Variants in FER observed in about 807,000 individuals in gnomAD.
FER encodes FER tyrosine kinase, also known as tyrosine-protein kinase Fer.
A neutral mutation model predicts 111.0 loss-of-function variants in FER; 63 were observed. That is an observed-to-expected ratio of 0.57 (90% confidence interval 0.46 to 0.70). The LOEUF (loss-of-function observed/expected upper bound fraction) is 0.70, where lower values mean the gene tolerates loss of function less well. FER is among the 30% of genes least tolerant of loss of function. The pLI, the probability that FER is intolerant of heterozygous loss-of-function variation, is 0.00. For synonymous variants in FER, 327 were observed against 313.9 expected (o/e 1.04, Z -0.44); for missense variants, 914 against 954.0 (o/e 0.96, Z 0.55).
At chr5:108,795,206 T>G (rs1333452902) in intron 2 of FER, among the ~76,000 whole-genome samples, 1 of 152,142 alleles carries the variant, frequency 6.6e-6, no homozygotes, top group Non-Finnish European at 1.5e-5. Flanking sequence ...ATACTTGTAG[T>G]CCCAGCTACT....
chr5:108,780,226 A>G (rs1005716618), intron 2 of FER, among the ~76,000 whole-genome samples: 3 of 152,030 alleles, frequency 2.0e-5, no homozygotes, highest in African/African-American at 7.3e-5. Flanking sequence ...TCTGACCTCT[A>G]TCATTTTTCT....
At chr5:109,028,664 C>T (rs1769129119) in intron 13 of FER, among the ~76,000 whole-genome samples, 1 of 152,156 alleles carries the variant, frequency 6.6e-6, no homozygotes, top group African/African-American at 2.4e-5. Context: ...TAGAAAGGCT[C>T]ACATAAGTTA....
intron 13 of FER, among the ~76,000 whole-genome samples, chr5:109,023,646 T>G (rs1230121944): frequency 2.0e-5 from 3 of 150,070 alleles, no homozygotes; most frequent in Non-Finnish European, 4.5e-5. Context: ...GTTTGTGTTT[T>G]GGGGTTTTTT....
chr5:108,980,354 A>G (rs771297424), intron 13 of FER, among the ~76,000 whole-genome samples: 3 of 152,274 alleles, frequency 2.0e-5, no homozygotes, highest in South Asian at 4.1e-4. Context: ...GAGGAAGGCC[A>G]TAGAGAAGAG....
intron 1 of FER, among the ~76,000 whole-genome samples, chr5:108,767,607 C>G (rs1459735822): frequency 1.3e-5 from 2 of 152,102 alleles, no homozygotes; most frequent in African/African-American, 4.8e-5. Context: ...ACCTCATCTT[C>G]CCAAATAGCT....
intron 8 of FER, among the ~76,000 whole-genome samples, chr5:108,872,887 G>A (rs1764732032): frequency 6.6e-6 from 1 of 152,136 alleles, no homozygotes; most frequent in Admixed American, 6.5e-5. Flanking sequence ...AACATTGCAT[G>A]TATTTTTTCT....
At chr5:109,153,290 A>G (rs1389249777) in intron 17 of FER, among the ~76,000 whole-genome samples, 2 of 151,898 alleles carry the variant, frequency 1.3e-5, no homozygotes, top group East Asian at 3.8e-4. Flanking sequence ...CACATTATCC[A>G]TCAATATAGT....
chr5:108,827,368 A>C (rs1037453851), intron 3 of FER, among the ~76,000 whole-genome samples: 6 of 152,150 alleles, frequency 3.9e-5, no homozygotes, highest in African/African-American at 1.4e-4. Flanking sequence ...TGAGCAATCA[A>C]ATGATCCGTA....
chr5:108,950,541 A>G (rs1757582096), intron 11 of FER, among the ~76,000 whole-genome samples: 1 of 152,178 alleles, frequency 6.6e-6, no homozygotes, highest in African/African-American at 2.4e-5. Context: ...CAAAGACAGA[A>G]CCACTATTTT....
intron 17 of FER, among the ~76,000 whole-genome samples, chr5:109,167,954 A>G (rs1382413979): frequency 6.6e-6 from 1 of 152,212 alleles, no homozygotes; most frequent in African/African-American, 2.4e-5. Context: ...ATCCAATATT[A>G]TATTACCTTA....
In FER at chr5:109,060,750, C is replaced by T. The variant is rs138607641; in HGVS notation, c.1924+13552C>T. Among the ~76,000 whole-genome samples, 857 of 141,236 alleles carry T rather than the reference C, an allele frequency of 6.1e-3. 7 individuals are homozygous for T. Among genetic ancestry groups the T allele is most frequent in the African/African-American group, 0.021 (800 of 38,042 alleles). 92.7% of individuals were successfully genotyped at this position (141,236 alleles called of 152,430 possible). On this transcript the variant is annotated intron_variant, in intron 16 of 19. Transcript: ENST00000281092. ...AATGTACTGTGATTGTGTGTGTGTG[C>T]GTATGTGTGGTGTGTGTGTGTGTAT...
chr5:109,184,602 A>T (rs897736301), intron 18 of FER, among the ~76,000 whole-genome samples: 4 of 152,180 alleles, frequency 2.6e-5, no homozygotes, highest in Non-Finnish European at 1.5e-5. Flanking sequence ...ACATTTTCTT[A>T]AAGAATTAGT....
At chr5:108,825,234 G>T (rs1208191116) in intron 3 of FER, among the ~76,000 whole-genome samples, 1 of 152,152 alleles carries the variant, frequency 6.6e-6, no homozygotes, top group Non-Finnish European at 1.5e-5. Context: ...TTCCTAATAA[G>T]CCTGGGAGCG....
At chr5:108,892,722 C>T (rs899008729) in intron 9 of FER, among the ~76,000 whole-genome samples, 2 of 152,034 alleles carry the variant, frequency 1.3e-5, no homozygotes, top group Admixed American at 6.6e-5. Flanking sequence ...TTTTGGTGTT[C>T]TAGACATGAA....
chr5:108,932,636 C>T (rs942346704), intron 10 of FER, among the ~76,000 whole-genome samples: 2 of 152,164 alleles, frequency 1.3e-5, no homozygotes, highest in African/African-American at 4.8e-5. Context: ...ACACTCCCAC[C>T]AACAGTGGAG....
intron 10 of FER, among the ~76,000 whole-genome samples, chr5:108,915,383 A>C (rs1752133204): frequency 6.6e-6 from 1 of 152,188 alleles, no homozygotes; most frequent in African/African-American, 2.4e-5. Flanking sequence ...GAGGCAGGAG[A>C]AACGCTTGAA....
At position 109,053,691 on chromosome 5, in the gene FER, ATT is replaced by A. The variant is rs544623578; in HGVS notation, c.1924+6511_1924+6512del. ...TCTTTTTATTGCTGAGTGGAGTTCT[ATT>A]TTTTTTTTTTTTTTTTTGAGACGGA... On this transcript the variant is annotated intron_variant, in intron 16 of 19. Coordinates refer to ENST00000281092, the MANE Select transcript of FER (RefSeq NM_005246.4). Among the ~76,000 whole-genome samples, 162 of 119,372 alleles carry A rather than the reference ATT, an allele frequency of 1.4e-3. 1 individual carries two copies. The highest frequency in any genetic ancestry group is 4.7e-3 in the African/African-American group (145 of 30,750). The allele number at this position is 119,372 out of a possible 152,430, so 78.3% of individuals were successfully genotyped here.
At chr5:108,950,975 A>T (rs1757652711) in intron 11 of FER, among the ~76,000 whole-genome samples, 1 of 152,222 alleles carries the variant, frequency 6.6e-6, no homozygotes, top group East Asian at 1.9e-4. Flanking sequence ...ATTAAAAAAA[A>T]AATAAATTTA....
chr5:109,026,338 G>T (rs568804262), intron 13 of FER, among the ~76,000 whole-genome samples: 2 of 152,104 alleles, frequency 1.3e-5, no homozygotes, highest in Non-Finnish European at 2.9e-5. Context: ...TATTTAGAAT[G>T]AATTTATAGA....
Sources: allele counts gnomAD v4.1 joint callset (sites outside exome capture counted in the v4.1 genomes callset), GRCh38; gene constraint gnomAD v4.1.1; transcripts MANE v1.5; gene names NCBI Gene and HGNC (gene_info 2026-07-23, HGNC 2026-07-21).